The following GALNTL6 variants were observed in gnomAD, a reference collection of about 807,000 sequenced individuals.
GALNTL6 encodes the protein polypeptide N-acetylgalactosaminyltransferase-like 6.
Under a neutral mutation model 73.7 loss-of-function variants are expected in GALNTL6, and 46 were observed. That is an observed-to-expected ratio of 0.62 (90% CI 0.49 to 0.80). The LOEUF (loss-of-function observed/expected upper bound fraction) is 0.80. GALNTL6 is among the 30% of genes least tolerant of loss of function. The pLI is 0.00. For missense variants in GALNTL6, 604 were observed against 755.0 expected, an observed-to-expected ratio of 0.80 and a Z score of 2.34; for synonymous variants, 259 against 263.7, an observed-to-expected ratio of 0.98 and a Z score of 0.17.
rs201897307 is a variant in GALNTL6 at position 173,022,131 on chromosome 4, GA to G, written c.1638+508del. Reference sequence around the variant, plus strand: ...GGAAAGAAGGAAGGAAGGAAGGAAAGAAGGAAGGAAAAGAGAGAGAGAAGGC... The same window carrying G: ...GGAAAGAAGGAAGGAAGGAAGGAAAGAGGAAGGAAAAGAGAGAGAGAAGGC... On this transcript the variant is annotated intron_variant, in intron 12 of 12. Transcript: ENST00000506823. Among the ~76,000 whole-genome samples, 151 of 146,670 alleles carry G rather than the reference GA, an allele frequency of 1.0e-3. No homozygotes were observed. The East Asian group carries it at 0.019, about 18-fold the overall frequency.
At chr4:173,000,498 T>A (rs1752000615) in intron 10 of GALNTL6, among the ~76,000 whole-genome samples, 1 of 152,196 alleles carries the variant, frequency 6.6e-6, no homozygotes, top group African/African-American at 2.4e-5. Context: ...GATCTACAGA[T>A]TAGATGCAAT....
intron 10 of GALNTL6, among the ~76,000 whole-genome samples, chr4:172,957,465 G>A (rs1233426723): frequency 6.6e-6 from 1 of 152,152 alleles, no homozygotes; most frequent in African/African-American, 2.4e-5. Flanking sequence ...GTGGTCAGAT[G>A]AGAAGGAGAA....
chr4:172,553,200 G>A (rs1736027986), intron 5 of GALNTL6, among the ~76,000 whole-genome samples: 1 of 152,172 alleles, frequency 6.6e-6, no homozygotes, highest in Non-Finnish European at 1.5e-5. Flanking sequence ...CAATATTTAT[G>A]CTTTGGGTGT....
At chr4:171,934,098 C>A (rs1738269108) in intron 2 of GALNTL6, among the ~76,000 whole-genome samples, 1 of 152,090 alleles carries the variant, frequency 6.6e-6, no homozygotes, top group South Asian at 2.1e-4. Context: ...AAGGTGGAGT[C>A]CCTTTGGGAT....
At chr4:172,458,907 A>G (rs1481995546) in intron 5 of GALNTL6, among the ~76,000 whole-genome samples, 1 of 152,108 alleles carries the variant, frequency 6.6e-6, no homozygotes, top group East Asian at 1.9e-4. Context: ...CAGAGACACA[A>G]CAAAAAAGAA....
At chr4:172,756,982 T>C (rs1283534614) in intron 5 of GALNTL6, among the ~76,000 whole-genome samples, 7 of 152,226 alleles carry the variant, frequency 4.6e-5, no homozygotes, top group Non-Finnish European at 1.0e-4. Context: ...GGCAAGACTT[T>C]GTTTTACCTG....
At chr4:172,296,055 CA>C (rs1225419662) in intron 3 of GALNTL6, among the ~76,000 whole-genome samples, 2 of 152,014 alleles carry the variant, frequency 1.3e-5, no homozygotes, top group African/African-American at 4.8e-5. Flanking sequence ...TTTCTAACCT[CA>C]GGGGGAAAGT....
intron 8 of GALNTL6, among the ~76,000 whole-genome samples, chr4:172,928,056 T>C (rs888424672): frequency 2.8e-4 from 42 of 152,224 alleles, no homozygotes; most frequent in African/African-American, 9.9e-4. Flanking sequence ...AAAGGATTAA[T>C]TTCTTTATAG....
chr4:172,339,716 C>T (rs1741493877), intron 4 of GALNTL6, among the ~76,000 whole-genome samples: 1 of 152,204 alleles, frequency 6.6e-6, no homozygotes, highest in Non-Finnish European at 1.5e-5. Flanking sequence ...AGGGCTCTCC[C>T]TTGGCCTGGA....
intron 2 of GALNTL6, among the ~76,000 whole-genome samples, chr4:171,968,692 A>G (rs545973098): frequency 1.3e-5 from 2 of 152,336 alleles, no homozygotes; most frequent in South Asian, 2.1e-4. Flanking sequence ...CTTGTGGTAG[A>G]GAAAGCCTCA....
At chr4:172,039,240 G>T (rs530263253) in intron 2 of GALNTL6, among the ~76,000 whole-genome samples, 1 of 152,120 alleles carries the variant, frequency 6.6e-6, no homozygotes, top group African/African-American at 2.4e-5. Context: ...GGTGTAAACC[G>T]CAAACTTTTG....
chr4:172,548,884 G>T (rs1469643010), intron 5 of GALNTL6, among the ~76,000 whole-genome samples: 1 of 151,698 alleles, frequency 6.6e-6, no homozygotes, highest in Non-Finnish European at 1.5e-5. Context: ...TTTTTTTCAG[G>T]CCCCTTTTAA....
intron 2 of GALNTL6, among the ~76,000 whole-genome samples, chr4:171,833,142 A>G (rs112093826): frequency 1.8e-3 from 276 of 151,922 alleles, no homozygotes; most frequent in African/African-American, 6.3e-3. Context: ...TATATATGAT[A>G]TCTAGGGTAT....
chr4:172,477,706 A>T (rs905197226), intron 5 of GALNTL6, among the ~76,000 whole-genome samples: 1 of 152,256 alleles, frequency 6.6e-6, no homozygotes, highest in Non-Finnish European at 1.5e-5. Context: ...AAAACAGGAG[A>T]GTAAACAATT....
At chr4:172,158,416 A>T (rs12502648) in intron 2 of GALNTL6, among the ~76,000 whole-genome samples, 15,325 of 149,104 alleles carry the variant, frequency 0.1, 940 homozygotes, top group East Asian at 0.31. Context: ...TATTCTCATT[A>T]AAAAAAAAAA....
chr4:171,950,711 C>T (rs996215909), intron 2 of GALNTL6, among the ~76,000 whole-genome samples: 1 of 152,038 alleles, frequency 6.6e-6, no homozygotes, highest in Non-Finnish European at 1.5e-5. Flanking sequence ...ATCCCCTGAC[C>T]TTGTGATCCG....
intron 2 of GALNTL6, among the ~76,000 whole-genome samples, chr4:171,990,409 A>C (rs1399729443): frequency 6.6e-6 from 1 of 152,206 alleles, no homozygotes; most frequent in African/African-American, 2.4e-5. Context: ...ACACAGTCAC[A>C]TAACAGTAAG....
chr4:171,941,614 T>A (rs78768753), intron 2 of GALNTL6, among the ~76,000 whole-genome samples: 1,664 of 152,304 alleles, frequency 0.011, 33 homozygotes, highest in African/African-American at 0.038. Flanking sequence ...TTCATTCCAC[T>A]GCTCCTTTAG....
chr4:172,114,109 A>C (rs2201113), intron 2 of GALNTL6, among the ~76,000 whole-genome samples: 48,668 of 151,930 alleles, frequency 0.32, 9,177 homozygotes, highest in South Asian at 0.51. Context: ...GAGCATGCAC[A>C]TTGTTTGTAC....
Sources: allele counts gnomAD v4.1 joint callset (sites outside exome capture counted in the v4.1 genomes callset), GRCh38; gene constraint gnomAD v4.1.1; transcripts MANE v1.5; gene names NCBI Gene and HGNC (gene_info 2026-07-23, HGNC 2026-07-21).